Variants in LRP2 observed in about 807,000 individuals in gnomAD.
LRP2 encodes low-density lipoprotein receptor-related protein 2.
Under a neutral mutation model 531.0 loss-of-function variants are expected in LRP2, and 172 were observed. That is an observed-to-expected ratio of 0.32 (90% CI 0.29 to 0.37). LRP2 has a LOEUF of 0.37. LRP2 is among the 10% of genes least tolerant of loss of function. LRP2 has a pLI of 1.00. For synonymous variants in LRP2, 1,992 were observed against 2,027.6 expected, an observed-to-expected ratio of 0.98 and a Z score of 0.47; for missense variants, 5,167 against 5,868.3, an observed-to-expected ratio of 0.88 and a Z score of 3.90.
chr2:169,166,593 C>T (rs1222480168), intron 61 of LRP2, among the ~76,000 whole-genome samples: 3 of 152,154 alleles, frequency 2.0e-5, no homozygotes, highest in African/African-American at 4.8e-5. Flanking sequence ...GAGTCTCTAC[C>T]GCATGAGTCT....
At chr2:169,180,560 T>C (rs9789747) in intron 52 of LRP2, among the ~76,000 whole-genome samples, 25,962 of 152,256 alleles carry the variant, frequency 0.17, 2,498 homozygotes, top group East Asian at 0.38. Context: ...GTGCCAGGTA[T>C]TCCTTCTTTT....
chr2:169,191,365 C>T (rs72876203), intron 48 of LRP2, among the ~76,000 whole-genome samples: 3,745 of 152,234 alleles, frequency 0.025, 58 homozygotes, highest in Middle Eastern at 0.041. Context: ...AATGCCTCTA[C>T]TCCAAGTGGA....
intron 30 of LRP2, among the ~76,000 whole-genome samples, chr2:169,232,224 TTG>T (rs1370689525): frequency 6.6e-6 from 1 of 151,436 alleles, no homozygotes; most frequent in Non-Finnish European, 1.5e-5. Flanking sequence ...AAAAAAAAAG[TTG>T]TGTGTTTGAT....
chr2:169,162,751 C>T (rs1686636838), intron 62 of LRP2, 151 bp from the exon 63 acceptor site: 1 of 787,400 alleles, frequency 1.3e-6, no homozygotes, highest in Non-Finnish European at 2.1e-6. Context: ...GACCATGTGA[C>T]CAGTTCTAGC....
In LRP2 at chr2:169,182,540, G is replaced by T. The variant is rs182587358; in HGVS notation, c.9846-221C>A. 4 of 1,413,418 alleles carry T rather than the reference G, an allele frequency of 2.8e-6. No individual in the cohort carries two copies. The East Asian group carries it at 1.1e-4, about 39-fold the overall frequency. 87.6% of individuals were successfully genotyped at this position (1,413,418 alleles called of 1,614,324 possible). ...GTGCAATAATTCCCACTTTAAGGTG[G>T]TGTCATGTAGAAAATACGGGGGACA... is the stretch of plus-strand genomic sequence containing the variant. On this transcript the variant is annotated intron_variant, in intron 50 of 78. Coordinates refer to ENST00000649046, the MANE Select transcript of LRP2 (RefSeq NM_004525.3).
At position 169,201,729 on chromosome 2, in the gene LRP2, G is replaced by A. The variant is rs1210431520; in HGVS notation, c.8351C>T (p.Thr2784Met). 5.6e-6 allele frequency: 9 copies of A among 1,613,998 alleles called. No individual in the cohort carries two copies. Among genetic ancestry groups the A allele is most frequent in the South Asian group, 2.2e-5 (2 of 91,078 alleles). ...CCTTCTGTTATTGCACATAAACTCC[G>A]TGGTGGCATTGCAGTCCCTGAACAG... ...GCLFRDCNAT[T>M]EFMCNNRRCI... The change falls in exon 44 of 79, where the codon ACG (threonine) becomes ATG (methionine). Residue 2784 changes from threonine to methionine, a missense_variant. Physicochemically the swap from Thr to Met is moderately conservative, Grantham distance 81. Around this residue, in one of 6 missense-constraint regions of LRP2, gnomAD observed 1,129 missense variants for 1,362.7 expected, o/e 0.83. Transcript: ENST00000649046.
In LRP2 at chr2:169,206,595, C is replaced by G. The variant is rs984451465; in HGVS notation, c.7125G>C (p.Leu2375=). 6.2e-7 allele frequency: 1 copy of G among 1,614,010 alleles called. No homozygotes were observed. Reference sequence around the variant, plus strand: ...TGGCACAATTCTTGCCATCACTTTGCAGGGTCCCAAAGGCACAGTCACATT... The same window carrying G: ...TGGCACAATTCTTGCCATCACTTTGGAGGGTCCCAAAGGCACAGTCACATT... ...TPKCDCAFGT[L]QSDGKNCAIS... Residue 2375 remains leucine, a synonymous_variant, in exon 39 of 79, where the codon CTG becomes CTC. Coordinates refer to ENST00000649046, the MANE Select transcript of LRP2 (RefSeq NM_004525.3).
chr2:169,320,448 T>G (rs145398983), intron 2 of LRP2, among the ~76,000 whole-genome samples: 248 of 152,288 alleles, frequency 1.6e-3, no homozygotes, highest in African/African-American at 5.4e-3. Flanking sequence ...TACACAAAAT[T>G]TACAGAGTGA....
At chr2:169,186,565 A>G (rs1687643128) in intron 49 of LRP2, among the ~76,000 whole-genome samples, 1 of 152,194 alleles carries the variant, frequency 6.6e-6, no homozygotes, top group African/African-American at 2.4e-5. Context: ...TTAGTTCTCT[A>G]CTCATCAAGG....
rs748610116 is a variant in LRP2 at position 169,271,055 on chromosome 2, C to T, written c.2169G>A (p.Pro723=). 13 of 1,612,918 alleles carry T rather than the reference C, an allele frequency of 8.1e-6. No individual in the cohort carries two copies. In the East Asian group the frequency reaches 2.2e-4, roughly 28 times the overall value. Reference sequence around the variant, plus strand: ...CATCTTCCTGGGTAGACAAGGTGAACGGGATCCCACGAATAGCAACTTGGG... The same window carrying T: ...CATCTTCCTGGGTAGACAAGGTGAATGGGATCCCACGAATAGCAACTTGGG... The part of the protein sequence containing the change: ...FSSQVAIRGI[P]FTLSTQEDVM... The change falls in exon 16 of 79, where the codon CCG becomes CCA. Residue 723 remains proline, a synonymous_variant. Transcript: ENST00000649046.
chr2:169,211,341 T>C (rs1007159625), intron 37 of LRP2, among the ~76,000 whole-genome samples: 1 of 152,172 alleles, frequency 6.6e-6, no homozygotes, highest in Non-Finnish European at 1.5e-5. Flanking sequence ...AAGGTATACC[T>C]AAAAACCTTG....
In LRP2 at chr2:169,243,419, A is replaced by G; in HGVS notation, c.3534T>C (p.Ser1178=). ...CDGDKDCVDG[S]DEVGCVLNCT... Reference sequence around the variant, plus strand: ...TGCACTTACCACAACCAACCTCATCAGATCCATCAACACAATCCTTGTCAC... The same window carrying G: ...TGCACTTACCACAACCAACCTCATCGGATCCATCAACACAATCCTTGTCAC... Residue 1178 remains serine (S), a synonymous_variant, in exon 23 of 79, where the codon TCT becomes TCC. Coordinates refer to ENST00000649046, the MANE Select transcript of LRP2 (RefSeq NM_004525.3). 1 of 1,614,182 alleles carries G rather than the reference A, an allele frequency of 6.2e-7. No individual in the cohort carries two copies. The highest frequency in any genetic ancestry group is 1.3e-5 in the African/African-American group (1 of 75,056).
rs368195747 is a variant in LRP2 at position 169,265,593 on chromosome 2, G to A, written c.2320+5311C>T. 2.0e-5 allele frequency among the ~76,000 whole-genome samples: 3 copies of A among 152,032 alleles called. No homozygotes were observed. In the South Asian group the frequency reaches 6.2e-4, roughly 32 times the overall value. On this transcript the variant is annotated intron_variant, in intron 16 of 78. Coordinates refer to ENST00000649046, the MANE Select transcript of LRP2 (RefSeq NM_004525.3). Reference sequence around the variant, plus strand: ...CAGAATGGCACTGGACTCAACACTAGATATTAGACGTCACTAGAGCAATGT... The same window carrying A: ...CAGAATGGCACTGGACTCAACACTAAATATTAGACGTCACTAGAGCAATGT...
rs149001191 is a variant in LRP2, at chr2:169,179,034, T to G, written c.10170-1008A>C. Among the ~76,000 whole-genome samples the G allele has an allele frequency of 3.0e-3, 444 of 150,480 alleles. 1 individual carries two copies. The highest frequency in any genetic ancestry group is 6.8e-3 in the Middle Eastern group (2 of 292). On this transcript the variant is annotated intron_variant, in intron 52 of 78. Transcript: ENST00000649046. ...ATTTATTTATTTATTTATCTAGAGA[T>G]AGTCTGACTCTGTTGCCCAAGCTGG...
At position 169,231,819 on chromosome 2, in the gene LRP2, G is replaced by A. The variant is rs189235560; in HGVS notation, c.5122C>T (p.Arg1708Cys). 23 of 1,613,974 alleles carry A rather than the reference G, an allele frequency of 1.4e-5. No homozygotes were observed. Among genetic ancestry groups the A allele is most frequent in the Middle Eastern group, 1.7e-4 (1 of 6,058 alleles). The change falls in exon 31 of 79, where the codon CGC becomes TGC. Residue 1708 changes from arginine (R) to cysteine (C), a missense_variant. This residue lies in a region of LRP2 where 2,811 missense variants were observed against 3,058.0 expected (regional missense o/e 0.92). Coordinates refer to ENST00000649046, the MANE Select transcript of LRP2 (RefSeq NM_004525.3). Reference protein sequence around the residue: ...PNSVNPCAFSRCSHLCLLSSQ... With the variant: ...PNSVNPCAFSCCSHLCLLSSQ... ...GAAAGCAGGCAGAGATGGCTGCAGC[G>A]GGAAAAGGCACATGGATTCACGGCT...
chr2:169,357,172 A>AT (rs1460632705), intron 1 of LRP2, among the ~76,000 whole-genome samples: 1 of 151,712 alleles, frequency 6.6e-6, no homozygotes, highest in South Asian at 2.1e-4. Flanking sequence ...CACAATTAGT[A>AT]TTTTTTTAGT....
intron 77 of LRP2, among the ~76,000 whole-genome samples, chr2:169,129,462 G>T (rs549215548): frequency 6.6e-6 from 1 of 152,278 alleles, no homozygotes; most frequent in Non-Finnish European, 1.5e-5. Context: ...AAAATTGGGT[G>T]GAGATGGCAA....
Position 169,173,964 on chromosome 2 carries a change from C to A in LRP2, c.10969G>T (p.Asp3657Tyr), listed in dbSNP as rs867112282. The A allele has an allele frequency of 6.2e-7, 1 of 1,614,232 alleles. No homozygotes were observed. The highest frequency in any genetic ancestry group is 8.5e-7 in the Non-Finnish European group (1 of 1,180,036). ...CIPQAWKCDV[D>Y]NDCGDHSDEP... is the part of the protein sequence containing the mutation. ...TCCGAGTGGTCTCCACAATCATTATCCACATCACACTTCCAGGCCTGCGGG... is the reference window on the plus strand; with the variant it reads ...TCCGAGTGGTCTCCACAATCATTATACACATCACACTTCCAGGCCTGCGGG... Residue 3657 changes from aspartate to tyrosine, a missense_variant, in exon 56 of 79, where the codon GAT (aspartate) becomes TAT (tyrosine). Physicochemically the swap from Asp to Tyr is radical, Grantham distance 160. This residue lies in a region of LRP2 where 311 missense variants were observed against 309.4 expected (regional missense o/e 1.01). Coordinates refer to ENST00000649046, the MANE Select transcript of LRP2 (RefSeq NM_004525.3).
At position 169,233,502 on chromosome 2, in the gene LRP2, G is replaced by A. The variant is rs536996824; in HGVS notation, c.5007C>T (p.Asn1669=). The A allele has an allele frequency of 7.4e-6, 12 of 1,614,024 alleles. No homozygotes were observed. The highest frequency in any genetic ancestry group is 1.0e-5 in the Non-Finnish European group (12 of 1,180,032). Residue 1669 remains asparagine (N), a synonymous_variant, in exon 30 of 79, where the codon AAC becomes AAT. Transcript: ENST00000649046. ...CTGACTGGTTCCCTCCATGCCACTT[G>A]TTGGCTCGCATAACCCGACGAGTAG... ...DRATRRVMRA[N]KWHGGNQSVV...
Sources: gnomAD v4.1 joint callset for allele counts (sites outside exome capture counted in the v4.1 genomes callset) on GRCh38, gnomAD v4.1.1 for gene constraint, gnomAD v4.1.1 regional missense constraint, MANE v1.5 for transcripts, NCBI Gene and HGNC (gene_info 2026-07-23, HGNC 2026-07-21) for gene names.